The following CLSTN2 variants were observed in gnomAD, a reference collection of about 807,000 sequenced individuals.
CLSTN2 encodes calsyntenin-2.
In CLSTN2, 48 loss-of-function variants were observed where a neutral mutation model predicts 101.2. That is an observed-to-expected ratio of 0.47 (90% CI 0.38 to 0.60). CLSTN2 has a LOEUF of 0.60. Ranked by LOEUF, CLSTN2 falls within the 20% of genes least tolerant of loss-of-function variation. The probability of loss-of-function intolerance (pLI) is 0.00; values close to 1 mark genes in which losing one functional copy is unlikely to be tolerated. For synonymous variants in CLSTN2, 481 were observed against 463.6 expected, an observed-to-expected ratio of 1.04 and a Z score of -0.48; for missense variants, 1,160 against 1,238.2, an observed-to-expected ratio of 0.94 and a Z score of 0.95.
At chr3:140,220,274 G>A (rs751571195) in intron 2 of CLSTN2, among the ~76,000 whole-genome samples, 2 of 152,170 alleles carry the variant, frequency 1.3e-5, no homozygotes, top group Non-Finnish European at 2.9e-5. Context: ...CCAATGCCAT[G>A]GCATAATGAT....
intron 2 of CLSTN2, among the ~76,000 whole-genome samples, chr3:140,287,954 TA>T (rs1311909311): frequency 2.6e-5 from 4 of 152,198 alleles, no homozygotes; most frequent in Non-Finnish European, 2.9e-5. Flanking sequence ...CTCAGAAGAC[TA>T]AGTTGCTCAT....
At chr3:139,948,521 C>T (rs6770768) in intron 1 of CLSTN2, among the ~76,000 whole-genome samples, 8 of 151,904 alleles carry the variant, frequency 5.3e-5, no homozygotes, top group African/African-American at 1.9e-4. Flanking sequence ...AACCAGCCAA[C>T]CTTGCTAAAG....
chr3:140,182,133 C>T (rs4361242), intron 2 of CLSTN2, among the ~76,000 whole-genome samples: 33,933 of 151,968 alleles, frequency 0.22, 4,031 homozygotes, highest in Non-Finnish European at 0.26. Context: ...AAAGAGGAAG[C>T]AAGTTATATC....
intron 2 of CLSTN2, among the ~76,000 whole-genome samples, chr3:140,334,994 A>G (rs1188554941): frequency 6.6e-6 from 1 of 152,238 alleles, no homozygotes; most frequent in African/African-American, 2.4e-5. Flanking sequence ...GGCTGAGTCC[A>G]GGAGGGTATA....
intron 4 of CLSTN2, among the ~76,000 whole-genome samples, chr3:140,407,484 G>T (rs2088316410): frequency 6.6e-6 from 1 of 152,164 alleles, no homozygotes; most frequent in African/African-American, 2.4e-5. Context: ...TGAAATTATG[G>T]CATTATCAGT....
intron 2 of CLSTN2, among the ~76,000 whole-genome samples, chr3:140,300,850 T>C (rs2087052060): frequency 6.6e-6 from 1 of 152,084 alleles, no homozygotes; most frequent in Non-Finnish European, 1.5e-5. Context: ...AAGAACTGAC[T>C]TACACAATTA....
intron 2 of CLSTN2, among the ~76,000 whole-genome samples, chr3:140,365,419 A>G (rs1359767954): frequency 6.6e-6 from 1 of 152,092 alleles, no homozygotes; most frequent in Non-Finnish European, 1.5e-5. Flanking sequence ...AAAGCAAAGA[A>G]TTCTTAGTAT....
intron 8 of CLSTN2, among the ~76,000 whole-genome samples, chr3:140,500,747 T>C (rs1934560312): frequency 6.6e-6 from 1 of 152,130 alleles, no homozygotes; most frequent in South Asian, 2.1e-4. Context: ...GTAGAACGCA[T>C]ATTATACCCA....
chr3:140,093,829 C>A (rs1349770198), intron 1 of CLSTN2, among the ~76,000 whole-genome samples: 4 of 152,138 alleles, frequency 2.6e-5, no homozygotes, highest in African/African-American at 9.7e-5. Flanking sequence ...TTCTAAGTTA[C>A]AAGTAGTAGT....
intron 1 of CLSTN2, among the ~76,000 whole-genome samples, chr3:140,085,254 G>A (rs958859022): frequency 6.6e-6 from 1 of 152,218 alleles, no homozygotes; most frequent in Admixed American, 6.5e-5. Flanking sequence ...CTGAAAGAAA[G>A]ATGGTGGGCT....
intron 2 of CLSTN2, among the ~76,000 whole-genome samples, chr3:140,331,704 C>T (rs1485407348): frequency 6.6e-6 from 1 of 152,198 alleles, no homozygotes; most frequent in Non-Finnish European, 1.5e-5. Context: ...ATTTATAAAC[C>T]TAACCCTGTA....
At chr3:140,467,704 G>C (rs576843784) in intron 8 of CLSTN2, among the ~76,000 whole-genome samples, 2 of 152,176 alleles carry the variant, frequency 1.3e-5, no homozygotes, top group East Asian at 3.9e-4. Flanking sequence ...GCCTCACCTT[G>C]CTGAGGGCTG....
intron 2 of CLSTN2, among the ~76,000 whole-genome samples, chr3:140,331,283 C>T (rs1357498952): frequency 6.6e-6 from 1 of 152,178 alleles, no homozygotes; most frequent in Non-Finnish European, 1.5e-5. Context: ...TCCTCTTCCA[C>T]CTGCTTTTCT....
intron 8 of CLSTN2, among the ~76,000 whole-genome samples, chr3:140,529,245 G>A (rs970713127): frequency 1.3e-5 from 2 of 152,132 alleles, no homozygotes; most frequent in Non-Finnish European, 2.9e-5. Flanking sequence ...GTATCCCTGG[G>A]TCTCTGGTCT....
chr3:140,195,389 T>G (rs187888146), intron 2 of CLSTN2, among the ~76,000 whole-genome samples: 1 of 152,158 alleles, frequency 6.6e-6, no homozygotes, highest in Non-Finnish European at 1.5e-5. Context: ...ATTTCTTGGG[T>G]CTCAAGGCCC....
At chr3:140,514,056 AT>A (rs1934869629) in intron 8 of CLSTN2, among the ~76,000 whole-genome samples, 1 of 151,832 alleles carries the variant, frequency 6.6e-6, no homozygotes, top group South Asian at 2.1e-4. Flanking sequence ...GGATTCATTT[AT>A]TTTTTTGAAG....
chr3:140,492,167 A>C (rs2063514), intron 8 of CLSTN2, among the ~76,000 whole-genome samples: 2,277 of 152,300 alleles, frequency 0.015, 171 homozygotes, highest in Admixed American at 0.13. Context: ...AAATTTCAAA[A>C]GAGATGATAC....
At chr3:140,079,834 T>C (rs2008558014) in intron 1 of CLSTN2, among the ~76,000 whole-genome samples, 1 of 152,184 alleles carries the variant, frequency 6.6e-6, no homozygotes, top group South Asian at 2.1e-4. Flanking sequence ...TACTTTTTAC[T>C]CAAAATAAGT....
intron 1 of CLSTN2, among the ~76,000 whole-genome samples, chr3:140,175,697 G>T (rs2010311962): frequency 6.6e-6 from 1 of 152,172 alleles, no homozygotes; most frequent in African/African-American, 2.4e-5. Context: ...CGTGGTCTTA[G>T]AGGCAAAACA....
Sources: allele counts gnomAD v4.1 joint callset (sites outside exome capture counted in the v4.1 genomes callset), GRCh38; gene constraint gnomAD v4.1.1; transcripts MANE v1.5; gene names NCBI Gene and HGNC (gene_info 2026-07-23, HGNC 2026-07-21).